LSAMP: variants seen among roughly 807,000 people sequenced by gnomAD.
The protein encoded by LSAMP is limbic system-associated membrane protein.
LSAMP carries 7 observed loss-of-function variants against 38.6 expected under a neutral mutation model. The ratio of observed to expected loss-of-function variants is 0.18; its 90% confidence interval spans 0.10 to 0.34. The LOEUF is 0.34. Ranked by LOEUF, LSAMP falls within the 10% of genes least tolerant of loss-of-function variation. The probability of loss-of-function intolerance (pLI) is 1.00; values close to 1 mark genes in which losing one functional copy is unlikely to be tolerated. For missense variants in LSAMP, 313 were observed against 420.0 expected (o/e 0.75, Z 2.23); for synonymous variants, 154 against 166.8 (o/e 0.92, Z 0.59).
chr3:116,354,308 C>A (rs191265304), intron 1 of LSAMP, among the ~76,000 whole-genome samples: 2 of 152,268 alleles, frequency 1.3e-5, no homozygotes, highest in Non-Finnish European at 2.9e-5. Context: ...AAACTCCACA[C>A]CTTATTGATG....
chr3:115,908,057 G>A (rs983481837), intron 3 of LSAMP, among the ~76,000 whole-genome samples: 2 of 151,712 alleles, frequency 1.3e-5, no homozygotes, highest in African/African-American at 4.8e-5. Context: ...TGAAATCCTG[G>A]TGTTTGACCA....
intron 3 of LSAMP, among the ~76,000 whole-genome samples, chr3:115,989,593 A>G (rs1939609950): frequency 2.0e-5 from 3 of 152,062 alleles, no homozygotes; most frequent in African/African-American, 7.2e-5. Flanking sequence ...CTAAAGAAAA[A>G]AATGCTTGAC....
At chr3:116,233,622 T>C (rs936139630) in intron 1 of LSAMP, among the ~76,000 whole-genome samples, 4 of 151,990 alleles carry the variant, frequency 2.6e-5, no homozygotes, top group South Asian at 2.1e-4. Flanking sequence ...TATCCCCCTC[T>C]CCCTACTTCC....
intron 4 of LSAMP, among the ~76,000 whole-genome samples, chr3:115,848,278 G>T (rs1253462962): frequency 7.2e-5 from 11 of 152,122 alleles, no homozygotes; most frequent in Admixed American, 7.2e-4. Flanking sequence ...ACAAAAATTA[G>T]TCGGGTATGG....
At chr3:116,300,664 A>T (rs903177675) in intron 1 of LSAMP, among the ~76,000 whole-genome samples, 5 of 152,168 alleles carry the variant, frequency 3.3e-5, no homozygotes, top group Non-Finnish European at 7.3e-5. Context: ...ATACCTGATG[A>T]TCTGAGACTC....
At chr3:115,815,883 G>A (rs192559378) in intron 6 of LSAMP, among the ~76,000 whole-genome samples, 2 of 152,190 alleles carry the variant, frequency 1.3e-5, no homozygotes, top group Non-Finnish European at 2.9e-5. Context: ...CCATAAATAC[G>A]GTGCTGGCCC....
At chr3:116,271,904 C>CTATT (rs535923513) in intron 1 of LSAMP, among the ~76,000 whole-genome samples, 1 of 151,954 alleles carries the variant, frequency 6.6e-6, no homozygotes, top group Non-Finnish European at 1.5e-5. Context: ...GAAGTATTTC[C>CTATT]TATTTATTCT....
chr3:116,136,175 T>C (rs1242356770), intron 1 of LSAMP, among the ~76,000 whole-genome samples: 1 of 152,176 alleles, frequency 6.6e-6, no homozygotes, highest in East Asian at 1.9e-4. Flanking sequence ...ATAATTGTAA[T>C]ATCTGGCTGG....
chr3:116,143,054 C>T (rs900430942), intron 1 of LSAMP, among the ~76,000 whole-genome samples: 5 of 149,352 alleles, frequency 3.3e-5, no homozygotes, highest in African/African-American at 1.2e-4. Context: ...TACATTATAT[C>T]TATATAATGT....
At chr3:116,439,718 A>ATTTTTATT (rs1341070912) in intron 1 of LSAMP, among the ~76,000 whole-genome samples, 4 of 152,092 alleles carry the variant, frequency 2.6e-5, no homozygotes, top group Admixed American at 6.5e-5. Context: ...TAGTTTCAGC[A>ATTTTTATT]TTTTTATTTA....
At chr3:115,834,677 A>T (rs981359965) in intron 6 of LSAMP, 2 of 653,522 alleles carry the variant, frequency 3.1e-6, no homozygotes, top group African/African-American at 4.0e-5. Context: ...AGTTATTCAA[A>T]CAATTATACA....
At chr3:115,940,921 T>C (rs1023874362) in intron 3 of LSAMP, among the ~76,000 whole-genome samples, 3 of 152,210 alleles carry the variant, frequency 2.0e-5, no homozygotes, top group Non-Finnish European at 4.4e-5. Context: ...ATTCAGGGTC[T>C]TTTCTAGTTC....
intron 3 of LSAMP, among the ~76,000 whole-genome samples, chr3:115,980,086 A>G (rs926049045): frequency 2.4e-4 from 36 of 152,270 alleles, no homozygotes; most frequent in African/African-American, 8.2e-4. Flanking sequence ...TTATTATTAA[A>G]AAAATACTTA....
chr3:116,072,811 T>A (rs574956818), intron 2 of LSAMP, among the ~76,000 whole-genome samples: 20 of 151,198 alleles, frequency 1.3e-4, no homozygotes, highest in African/African-American at 4.8e-4. Flanking sequence ...ATTAGACCTT[T>A]GTCAAATGGA....
chr3:115,890,978 T>C (rs767218154), intron 3 of LSAMP, among the ~76,000 whole-genome samples: 2 of 151,964 alleles, frequency 1.3e-5, no homozygotes, highest in Admixed American at 6.6e-5. Flanking sequence ...GGGAAAAAGT[T>C]TGTGGGAGGC....
intron 1 of LSAMP, among the ~76,000 whole-genome samples, chr3:116,263,731 T>C (rs1027471866): frequency 2.0e-5 from 3 of 152,296 alleles, no homozygotes; most frequent in African/African-American, 7.2e-5. Flanking sequence ...ATTTGTAAGA[T>C]AAGGCTGAGT....
Position 116,339,902 on chromosome 3 carries a change from T to G in LSAMP, c.155+104975A>C, listed in dbSNP as rs1276740845. On this transcript the variant is annotated intron_variant, in intron 1 of 6. Transcript: ENST00000490035. ...AAAGCCACAGAGTAACTCCCAGGCT[T>G]GAGTGATGAACTTCCAGATATCATG... Among the ~76,000 whole-genome samples, 5 of 152,020 alleles carry G rather than the reference T, an allele frequency of 3.3e-5. No individual in the cohort carries two copies. In the East Asian group the frequency reaches 9.6e-4, roughly 29 times the overall value.
chr3:116,072,207 C>T (rs532989489), intron 2 of LSAMP, among the ~76,000 whole-genome samples: 193 of 152,144 alleles, frequency 1.3e-3, no homozygotes, highest in African/African-American at 4.5e-3. Flanking sequence ...GATCTCTTGA[C>T]CTTGTGATCC....
intron 1 of LSAMP, among the ~76,000 whole-genome samples, chr3:116,197,163 A>ACACACACACTCTCTCT (rs1268040540): frequency 1.4e-5 from 2 of 139,086 alleles, no homozygotes; most frequent in African/African-American, 5.2e-5. Context: ...ACACACACAC[A>ACACACACACTCTCTCT]CTCTCTCTCT....
Sources: allele counts gnomAD v4.1 joint callset (sites outside exome capture counted in the v4.1 genomes callset), GRCh38; gene constraint gnomAD v4.1.1; transcripts MANE v1.5; gene names NCBI Gene and HGNC (gene_info 2026-07-23, HGNC 2026-07-21).